The following MTUS1 variants were observed in gnomAD, a reference collection of about 807,000 sequenced individuals.
MTUS1 encodes microtubule-associated tumor suppressor 1.
A neutral mutation model predicts 120.8 loss-of-function variants in MTUS1; 109 were observed. The observed-to-expected ratio is 0.90, with a 90% CI of 0.77 to 1.06. The LOEUF (loss-of-function observed/expected upper bound fraction) is 1.06. MTUS1 is among the 50% of genes least tolerant of loss of function. The pLI is 0.00. For missense variants in MTUS1, 2,210 were observed against 1,486.3 expected (o/e 1.49, Z -8.01); for synonymous variants, 737 against 550.5 (o/e 1.34, Z -4.74).
At chr8:17,756,498 T>C (rs2048619424) in intron 1 of MTUS1, among the ~76,000 whole-genome samples, 1 of 152,132 alleles carries the variant, frequency 6.6e-6, no homozygotes, top group Non-Finnish European at 1.5e-5. Flanking sequence ...GTTTCTCCTT[T>C]GTTTTTATTC....
In MTUS1 at chr8:17,771,765, T is replaced by C. The variant is rs186972097; in HGVS notation, c.-154-15804A>G. On this transcript the variant is annotated intron_variant, in intron 1 of 14. Coordinates refer to ENST00000693296, the MANE Select transcript of MTUS1 (RefSeq NM_001363059.2). ...TTTTCCGATAAACAGGGTCCACTCA[T>C]GGAAAAGAGATCGACTAACATGGAT... Among the ~76,000 whole-genome samples, 15 of 152,346 alleles carry C rather than the reference T, an allele frequency of 9.8e-5. No homozygotes were observed. The South Asian group carries it at 1.5e-3, about 15-fold the overall frequency.
chr8:17,719,107 T>A (rs1019353213), intron 4 of MTUS1, among the ~76,000 whole-genome samples: 1 of 151,858 alleles, frequency 6.6e-6, no homozygotes, highest in Non-Finnish European at 1.5e-5. Flanking sequence ...GAGGCGGAGG[T>A]TGCAGTGAGC....
intron 6 of MTUS1, chr8:17,697,148 C>G (rs772587706): frequency 1.2e-5 from 17 of 1,385,790 alleles, no homozygotes; most frequent in Admixed American, 2.3e-5. Flanking sequence ...TTAGAGAGAG[C>G]TTTTTTCCTC....
At chr8:17,772,565 T>C (rs1189205502) in intron 1 of MTUS1, among the ~76,000 whole-genome samples, 1 of 152,210 alleles carries the variant, frequency 6.6e-6, no homozygotes, top group Non-Finnish European at 1.5e-5. Flanking sequence ...CTACAATCAC[T>C]GATGTCAATT....
At chr8:17,653,071 A>C in intron 12 of MTUS1, 115 bp downstream of exon 12, 1 of 636,322 alleles carries the variant, frequency 1.6e-6, no homozygotes, top group Non-Finnish European at 2.7e-6. Flanking sequence ...ACATTGCCAG[A>C]CATGAGAAGG....
chr8:17,785,372 A>T (rs867453751), intron 1 of MTUS1, among the ~76,000 whole-genome samples: 23 of 152,232 alleles, frequency 1.5e-4, no homozygotes, highest in African/African-American at 5.3e-4. Context: ...ATAAAGCTTG[A>T]GCTGAGACTA....
intron 7 of MTUS1, among the ~76,000 whole-genome samples, chr8:17,683,800 T>C (rs1815138843): frequency 6.6e-6 from 1 of 152,320 alleles, no homozygotes; most frequent in African/African-American, 2.4e-5. Context: ...TGAAGAATAT[T>C]AGGGAAAAGT....
At chr8:17,760,098 C>A (rs1272899595) in intron 1 of MTUS1, among the ~76,000 whole-genome samples, 1 of 148,576 alleles carries the variant, frequency 6.7e-6, no homozygotes. Flanking sequence ...TGCCTGTAGT[C>A]CCAGCTGCTC....
At chr8:17,649,579 C>G (rs577870570) in intron 13 of MTUS1, among the ~76,000 whole-genome samples, 4 of 152,224 alleles carry the variant, frequency 2.6e-5, no homozygotes, top group African/African-American at 9.6e-5. Flanking sequence ...ATCCAAAATA[C>G]CACTGAAATA....
intron 6 of MTUS1, among the ~76,000 whole-genome samples, chr8:17,711,611 T>C (rs142578833): frequency 4.6e-5 from 7 of 152,346 alleles, no homozygotes; most frequent in African/African-American, 1.7e-4. Context: ...GGAGTCTGTT[T>C]TGCTTTCTTA....
intron 6 of MTUS1, among the ~76,000 whole-genome samples, chr8:17,709,633 G>C (rs945744876): frequency 3.3e-5 from 5 of 152,014 alleles, no homozygotes; most frequent in Admixed American, 1.3e-4. Flanking sequence ...CACAAAAATT[G>C]TCTGGTTTCT....
chr8:17,650,084 A>T, intron 12 of MTUS1, 122 bp from the exon 13 acceptor site: 1 of 710,018 alleles, frequency 1.4e-6, no homozygotes, highest in Non-Finnish European at 2.5e-6. Flanking sequence ...ATCATCTTAG[A>T]GCAATTTCAA....
intron 4 of MTUS1, chr8:17,722,182 A>T (rs2045896133): frequency 6.6e-6 from 7 of 1,065,894 alleles, no homozygotes; most frequent in Middle Eastern, 4.3e-4. Flanking sequence ...AATGGACAAA[A>T]GCACTTTACA....
In MTUS1 at chr8:17,697,259, G is replaced by A. The variant is rs778321523; in HGVS notation, c.2624-12717C>T. ...ACAGAGATCTATGCGAGACAGACCT[G>A]TGTGGAAAACAACAGTGCTTCTCCT... On this transcript the variant is annotated intron_variant, in intron 6 of 14. Transcript: ENST00000693296. 3 of 1,613,608 alleles carry A rather than the reference G, an allele frequency of 1.9e-6. No homozygotes were observed. In the South Asian group the frequency reaches 3.3e-5, roughly 18 times the overall value.
intron 1 of MTUS1, among the ~76,000 whole-genome samples, chr8:17,798,316 A>C (rs562602427): frequency 6.6e-6 from 1 of 152,162 alleles, no homozygotes; most frequent in Non-Finnish European, 1.5e-5. Context: ...ATTTGAAAAG[A>C]TTCTAATTTA....
intron 1 of MTUS1, among the ~76,000 whole-genome samples, chr8:17,782,935 G>A (rs775765451): frequency 1.9e-4 from 29 of 152,192 alleles, no homozygotes; most frequent in Middle Eastern, 3.4e-3. Flanking sequence ...AAAATTAGCC[G>A]GGTGTGGTAG....
intron 2 of MTUS1, among the ~76,000 whole-genome samples, chr8:17,745,012 G>C (rs955509021): frequency 3.3e-5 from 5 of 152,128 alleles, no homozygotes; most frequent in African/African-American, 9.7e-5. Flanking sequence ...CAAACACCTA[G>C]GCACATGTTC....
intron 6 of MTUS1, among the ~76,000 whole-genome samples, chr8:17,689,563 C>A (rs1485533303): frequency 1.3e-5 from 2 of 152,094 alleles, no homozygotes; most frequent in Non-Finnish European, 2.9e-5. Flanking sequence ...CTCTTATGTA[C>A]CTAAAATGGA....
intron 1 of MTUS1, among the ~76,000 whole-genome samples, chr8:17,787,939 G>A (rs932102808): frequency 1.3e-5 from 2 of 152,182 alleles, no homozygotes; most frequent in Non-Finnish European, 2.9e-5. Flanking sequence ...GGCCAACATG[G>A]TGAAACCCCA....
Sources: gnomAD v4.1 joint callset for allele counts (sites outside exome capture counted in the v4.1 genomes callset) on GRCh38, gnomAD v4.1.1 for gene constraint, MANE v1.5 for transcripts, NCBI Gene and HGNC (gene_info 2026-07-23, HGNC 2026-07-21) for gene names.